Variants in CTNNA2 observed in about 807,000 individuals in gnomAD.
CTNNA2 encodes catenin alpha 2, also known as catenin alpha-2.
In CTNNA2, 42 loss-of-function variants were observed where a neutral mutation model predicts 101.0. The observed-to-expected ratio is 0.42, with a 90% CI of 0.32 to 0.54. The LOEUF is 0.54. CTNNA2 is among the 20% of genes least tolerant of loss of function. CTNNA2 has a pLI of 0.14. For synonymous variants in CTNNA2, 450 were observed against 456.4 expected, an observed-to-expected ratio of 0.99 and a Z score of 0.18; for missense variants, 871 against 1,223.1, an observed-to-expected ratio of 0.71 and a Z score of 4.29.
chr2:79,562,025 T>C lies in CTNNA2; in HGVS notation c.-6+48818T>C, dbSNP rs1222970717. Among the ~76,000 whole-genome samples the C allele has an allele frequency of 3.3e-5, 5 of 152,014 alleles. No individual in the cohort carries two copies. The South Asian group carries it at 6.2e-4, about 19-fold the overall frequency. The stretch of plus-strand genomic sequence containing the variant: ...CTCTTCTGGTGTCATATCTAAGAAA[T>C]GATTGCCTAATCCAAAAGCACACAT... On this transcript the variant is annotated intron_variant, in intron 1 of 18. Transcript: ENST00000402739.
intron 3 of CTNNA2, among the ~76,000 whole-genome samples, chr2:79,789,387 G>C (rs1675095334): frequency 6.6e-6 from 1 of 152,150 alleles, no homozygotes; most frequent in Non-Finnish European, 1.5e-5. Context: ...GATGAGGCTT[G>C]CCAGAAACGG....
chr2:80,226,195 G>T (rs1708877824), intron 7 of CTNNA2, among the ~76,000 whole-genome samples: 1 of 152,188 alleles, frequency 6.6e-6, no homozygotes, highest in Admixed American at 6.5e-5. Flanking sequence ...GGTTAAAACA[G>T]CTCATTTGGA....
intron 7 of CTNNA2, among the ~76,000 whole-genome samples, chr2:79,986,945 A>G (rs1165590758): frequency 6.6e-6 from 1 of 152,202 alleles, no homozygotes; most frequent in African/African-American, 2.4e-5. Flanking sequence ...AGATCAGTGA[A>G]CATAAAAAGG....
intron 7 of CTNNA2, among the ~76,000 whole-genome samples, chr2:79,964,776 C>T (rs1196238674): frequency 1.3e-5 from 2 of 152,186 alleles, no homozygotes; most frequent in African/African-American, 4.8e-5. Context: ...CCCCACCCCT[C>T]CAGCCTCGTT....
intron 3 of CTNNA2, among the ~76,000 whole-genome samples, chr2:79,808,813 A>C (rs1676780186): frequency 1.3e-5 from 2 of 151,048 alleles, no homozygotes; most frequent in African/African-American, 4.9e-5. Context: ...ATTATACTTT[A>C]AGTTCTGGGA....
At chr2:80,361,593 G>T (rs1434875864) in intron 7 of CTNNA2, among the ~76,000 whole-genome samples, 1 of 152,034 alleles carries the variant, frequency 6.6e-6, no homozygotes, top group Non-Finnish European at 1.5e-5. Flanking sequence ...CCAAAAAAAG[G>T]ACATTTTAAA....
Position 80,303,194 on chromosome 2 carries a change from A to G in CTNNA2, c.1057-90017A>G, listed in dbSNP as rs770462411. The stretch of plus-strand genomic sequence containing the variant: ...CTCGAGGTGCAGCTCGGTGAGCTTA[A>G]ACAAGCCGGCGAAAGAGTTGCGCGC... On this transcript the variant is annotated intron_variant, in intron 7 of 18. Transcript: ENST00000402739. The surrounding 1 kb of genome is among the most constrained non-coding windows in gnomAD (Gnocchi z 7.7). 2.3e-5 allele frequency: 37 copies of G among 1,613,846 alleles called. 1 individual carries two copies. The South Asian group carries it at 3.6e-4, about 16-fold the overall frequency.
Position 79,655,609 on chromosome 2 carries a change from A to G in CTNNA2, c.102+3951A>G, listed in dbSNP as rs867164207. ...TTTGGGAGGCCAAGGCAAGAAGATCACTTGAAGTCAGGAGTTCGAGATTAG... is the reference window on the plus strand; with the variant it reads ...TTTGGGAGGCCAAGGCAAGAAGATCGCTTGAAGTCAGGAGTTCGAGATTAG... On this transcript the variant is annotated intron_variant, in intron 2 of 18. Coordinates refer to ENST00000402739, the MANE Select transcript of CTNNA2 (RefSeq NM_001282597.3). Among the ~76,000 whole-genome samples the G allele has an allele frequency of 2.6e-5, 4 of 152,230 alleles. No homozygotes were observed. In the South Asian group the frequency reaches 8.3e-4, roughly 32 times the overall value.
At chr2:79,405,837 G>T (rs539506776) in intron 4 of CTNNA2, among the ~76,000 whole-genome samples, 213 of 152,144 alleles carry the variant, frequency 1.4e-3, no homozygotes, top group Middle Eastern at 0.01. Context: ...AATGAGTGTT[G>T]TTTTATGCTG....
rs186933998 is a variant in CTNNA2, at chr2:79,832,794, G to A, written c.299-25219G>A. Among the ~76,000 whole-genome samples the A allele has an allele frequency of 2.0e-3, 302 of 152,300 alleles. 1 individual carries two copies. Among genetic ancestry groups the A allele is most frequent in the African/African-American group, 7.1e-3 (293 of 41,560 alleles). ...ATGGCTTCCTGTGTGTTTGCACAAG[G>A]CTTCGCAGTGGTTATTCAAGAGTGC... On this transcript the variant is annotated intron_variant, in intron 3 of 18. Transcript: ENST00000402739.
At chr2:80,016,563 G>A (rs113223565) in intron 7 of CTNNA2, among the ~76,000 whole-genome samples, 6 of 152,316 alleles carry the variant, frequency 3.9e-5, no homozygotes, top group African/African-American at 1.4e-4. Context: ...TTTGCCTCCT[G>A]ACCATGAGGA....
rs114946568 is a variant in CTNNA2, at chr2:80,118,668, A to G, written c.1056+208871A>G. Reference sequence around the variant, plus strand: ...TGAAGCCAATTCATGATCCTCTTTAACAAAGGAAGTAGAAAACATAAGGAA... The same window carrying G: ...TGAAGCCAATTCATGATCCTCTTTAGCAAAGGAAGTAGAAAACATAAGGAA... On this transcript the variant is annotated intron_variant, in intron 7 of 18. Transcript: ENST00000402739. 9.1e-3 allele frequency among the ~76,000 whole-genome samples: 1,390 copies of G among 152,318 alleles called. 18 individuals carry two copies. Among genetic ancestry groups the G allele is most frequent in the African/African-American group, 0.026 (1,080 of 41,568 alleles).
chr2:80,606,550 A>T (rs1012459125), intron 16 of CTNNA2, among the ~76,000 whole-genome samples: 1 of 151,878 alleles, frequency 6.6e-6, no homozygotes, highest in Non-Finnish European at 1.5e-5. Context: ...CTGTGAAATA[A>T]CTTGCAATTT....
At chr2:79,463,971 C>A (rs766491717) in intron 4 of CTNNA2, among the ~76,000 whole-genome samples, 19 of 133,696 alleles carry the variant, frequency 1.4e-4, no homozygotes, top group African/African-American at 5.2e-4. Flanking sequence ...ACAGCATGGC[C>A]GGGCTTAAAG....
intron 7 of CTNNA2, among the ~76,000 whole-genome samples, chr2:80,323,126 A>G (rs1174482741): frequency 6.6e-6 from 1 of 152,208 alleles, no homozygotes; most frequent in Non-Finnish European, 1.5e-5. Context: ...GTCACTGCAC[A>G]CTGGTCGCAC....
chr2:79,994,894 G>A (rs1483900012), intron 7 of CTNNA2, among the ~76,000 whole-genome samples: 6 of 152,228 alleles, frequency 3.9e-5, no homozygotes, highest in Admixed American at 2.6e-4. Flanking sequence ...GAGAACCAAG[G>A]CTGTACCAGG....
At chr2:79,747,245 G>A (rs938510394) in intron 3 of CTNNA2, among the ~76,000 whole-genome samples, 1 of 148,652 alleles carries the variant, frequency 6.7e-6, no homozygotes, top group African/African-American at 2.5e-5. Flanking sequence ...CCAAATCTAA[G>A]TTTTCAGGTG....
At chr2:79,346,991 C>T (rs2104434699) in intron 3 of CTNNA2, among the ~76,000 whole-genome samples, 1 of 152,274 alleles carries the variant, frequency 6.6e-6, no homozygotes, top group South Asian at 2.1e-4. Flanking sequence ...CTATTGGGTA[C>T]CATGTTCACT....
chr2:79,716,976 G>A (rs1438379049), intron 2 of CTNNA2, among the ~76,000 whole-genome samples: 1 of 151,788 alleles, frequency 6.6e-6, no homozygotes, highest in Non-Finnish European at 1.5e-5. Flanking sequence ...TTTCATCATT[G>A]TAATAAGAAG....
Sources: allele counts gnomAD v4.1 joint callset (sites outside exome capture counted in the v4.1 genomes callset), GRCh38; gene constraint gnomAD v4.1.1; non-coding constraint Gnocchi (gnomAD v3.1); transcripts MANE v1.5; gene names NCBI Gene and HGNC (gene_info 2026-07-23, HGNC 2026-07-21).